The following DLC1 variants were observed in gnomAD, a reference collection of about 807,000 sequenced individuals.
DLC1 encodes DLC1 Rho GTPase activating protein.
In DLC1, 54 loss-of-function variants were observed where a neutral mutation model predicts 140.3. That is an observed-to-expected ratio of 0.38 (90% CI 0.31 to 0.48). DLC1 has a LOEUF of 0.48. Among genes scored for constraint, DLC1 ranks in the 20% least tolerant of loss-of-function variants. The probability of loss-of-function intolerance (pLI) is 0.96; values close to 1 mark genes in which losing one functional copy is unlikely to be tolerated. For missense variants in DLC1, 2,536 were observed against 1,907.0 expected (o/e 1.33, Z -6.14); for synonymous variants, 986 against 728.1 (o/e 1.35, Z -5.70).
At chr8:13,426,151 G>C (rs1478283836) in intron 2 of DLC1, among the ~76,000 whole-genome samples, 2 of 152,040 alleles carry the variant, frequency 1.3e-5, no homozygotes, top group South Asian at 4.1e-4. Flanking sequence ...GGAAGAATCT[G>C]ATTGGATACA....
chr8:13,140,865 A>T (rs886266438), intron 5 of DLC1, among the ~76,000 whole-genome samples: 1 of 152,074 alleles, frequency 6.6e-6, no homozygotes, highest in African/African-American at 2.4e-5. Flanking sequence ...TTAGTTATAC[A>T]TTTTATTATG....
chr8:13,231,030 G>C (rs1441770534), intron 5 of DLC1, among the ~76,000 whole-genome samples: 1 of 152,108 alleles, frequency 6.6e-6, no homozygotes. Flanking sequence ...TCACACACCT[G>C]TATGGCTAGC....
intron 2 of DLC1, among the ~76,000 whole-genome samples, chr8:13,425,441 T>G (rs1322304508): frequency 6.6e-5 from 10 of 152,202 alleles, no homozygotes; most frequent in Non-Finnish European, 1.3e-4. Flanking sequence ...GCAGTGGGAA[T>G]GATGCTGCTA....
At chr8:13,220,926 T>G (rs1457152876) in intron 5 of DLC1, among the ~76,000 whole-genome samples, 1 of 152,168 alleles carries the variant, frequency 6.6e-6, no homozygotes, top group Non-Finnish European at 1.5e-5. Context: ...CAGTCAAGAA[T>G]GTCAGCAAGA....
intron 4 of DLC1, among the ~76,000 whole-genome samples, chr8:13,320,344 G>GCT (rs143112052): frequency 1.3e-5 from 2 of 152,186 alleles, no homozygotes; most frequent in East Asian, 3.9e-4. Flanking sequence ...TTCGTTAAGA[G>GCT]AAGTTCAGCT....
At chr8:13,484,946 T>C (rs927178571) in intron 2 of DLC1, among the ~76,000 whole-genome samples, 15 of 152,242 alleles carry the variant, frequency 9.9e-5, no homozygotes, top group African/African-American at 3.6e-4. Flanking sequence ...TATTTGCTAA[T>C]AATTCTTCCA....
intron 5 of DLC1, among the ~76,000 whole-genome samples, chr8:13,176,311 G>C (rs1825755985): frequency 6.6e-6 from 1 of 152,156 alleles, no homozygotes; most frequent in Admixed American, 6.5e-5. Context: ...GGGTGTGGTG[G>C]TTCACTCCTG....
chr8:13,579,141 CT>C (rs1328307096), intron 1 of DLC1, among the ~76,000 whole-genome samples: 2 of 148,032 alleles, frequency 1.4e-5, no homozygotes, highest in African/African-American at 2.5e-5. Flanking sequence ...GTGTTAGGAG[CT>C]TTGTGCCAGA....
rs151106333 is a variant in DLC1 at position 13,139,980 on chromosome 8, G to A, written c.1349-24323C>T. ...TTAAGTACAGTGCATTCACGTTATT[G>A]TGTGACGATCACCGTTATCCATCTC... is the stretch of plus-strand genomic sequence containing the variant. On this transcript the variant is annotated intron_variant, in intron 5 of 17. Coordinates refer to ENST00000276297, the MANE Select transcript of DLC1 (RefSeq NM_182643.3). Among the ~76,000 whole-genome samples the A allele has an allele frequency of 2.1e-3, 322 of 152,218 alleles. 1 individual carries two copies. The highest frequency in any genetic ancestry group is 7.1e-3 in the African/African-American group (295 of 41,530).
chr8:13,349,745 G>A (rs967440418), intron 4 of DLC1, among the ~76,000 whole-genome samples: 3 of 152,210 alleles, frequency 2.0e-5, no homozygotes, highest in African/African-American at 7.2e-5. Flanking sequence ...ACAAATTCTA[G>A]TATAAGTGAT....
chr8:13,545,090 A>C (rs1803609942), intron 1 of DLC1, among the ~76,000 whole-genome samples: 1 of 152,108 alleles, frequency 6.6e-6, no homozygotes, highest in African/African-American at 2.4e-5. Flanking sequence ...GCATTTAATA[A>C]AATTTTAAAA....
chr8:13,164,112 C>G (rs2116889529), intron 5 of DLC1, among the ~76,000 whole-genome samples: 1 of 152,220 alleles, frequency 6.6e-6, no homozygotes, highest in Non-Finnish European at 1.5e-5. Flanking sequence ...GGCTGGCCAA[C>G]ATGATGAAAC....
chr8:13,164,754 C>T (rs1396332088), intron 5 of DLC1, among the ~76,000 whole-genome samples: 1 of 152,164 alleles, frequency 6.6e-6, no homozygotes, highest in Non-Finnish European at 1.5e-5. Context: ...TCCTTCAGAG[C>T]TTTCACAAAT....
At chr8:13,328,214 A>G (rs1833448860) in intron 4 of DLC1, among the ~76,000 whole-genome samples, 1 of 152,158 alleles carries the variant, frequency 6.6e-6, no homozygotes, top group Admixed American at 6.5e-5. Context: ...TGTGGCTCCT[A>G]TGAGGAGGAT....
intron 2 of DLC1, among the ~76,000 whole-genome samples, chr8:13,444,920 C>A (rs570502647): frequency 6.6e-6 from 1 of 152,008 alleles, no homozygotes; most frequent in Non-Finnish European, 1.5e-5. Flanking sequence ...GTCATGTATT[C>A]TTCAAAGTTC....
intron 1 of DLC1, among the ~76,000 whole-genome samples, chr8:13,552,019 G>GTGTGCATATATATGTGTGTGTA (rs1264261302): frequency 7.2e-5 from 10 of 138,476 alleles, no homozygotes; most frequent in African/African-American, 2.7e-4. Flanking sequence ...ATATGTGTGT[G>GTGTGCATATATATGTGTGTGTA]TATATATATA....
chr8:13,180,228 G>A (rs1035065514), intron 5 of DLC1, among the ~76,000 whole-genome samples: 2 of 152,016 alleles, frequency 1.3e-5, no homozygotes, highest in East Asian at 1.9e-4. Flanking sequence ...ATTGTGTTTC[G>A]TCTTTACTGC....
At chr8:13,357,778 G>A (rs1347063230) in intron 4 of DLC1, among the ~76,000 whole-genome samples, 1 of 152,168 alleles carries the variant, frequency 6.6e-6, no homozygotes, top group East Asian at 1.9e-4. Flanking sequence ...TGAAAATCCA[G>A]ATGGATGAAG....
chr8:13,590,599 C>G (rs1380293050), intron 1 of DLC1, among the ~76,000 whole-genome samples: 1 of 152,000 alleles, frequency 6.6e-6, no homozygotes, highest in African/African-American at 2.4e-5. Context: ...TTTTACTTTT[C>G]TAGCCTTCCA....
Sources: allele counts gnomAD v4.1 joint callset (sites outside exome capture counted in the v4.1 genomes callset), GRCh38; gene constraint gnomAD v4.1.1; transcripts MANE v1.5; gene names NCBI Gene and HGNC (gene_info 2026-07-23, HGNC 2026-07-21).